API5: variants seen among roughly 807,000 people sequenced by gnomAD.
The protein encoded by API5 is FIF.
In API5, 6 loss-of-function variants were observed where a neutral mutation model predicts 71.9. The ratio of observed to expected loss-of-function variants is 0.08; its 90% CI spans 0.05 to 0.16. The LOEUF is 0.16. API5 is among the 10% of genes least tolerant of loss of function. The pLI, the probability that API5 is intolerant of heterozygous loss-of-function variation, is 1.00. For synonymous variants in API5, 189 were observed against 221.3 expected, an observed-to-expected ratio of 0.85 and a Z score of 1.30; for missense variants, 332 against 612.8, an observed-to-expected ratio of 0.54 and a Z score of 4.84.
intron 7 of API5, 67 bp from the exon 8 acceptor site, chr11:43,327,722 A>T: frequency 9.0e-7 from 1 of 1,112,322 alleles, no homozygotes; most frequent in Non-Finnish European, 1.3e-6. Context: ...ATCGTTATCT[A>T]GAATTACTCT....
chr11:43,330,612 T>C (rs943277835), intron 11 of API5, 48 bp downstream of exon 11: 13 of 1,388,858 alleles, frequency 9.4e-6, no homozygotes, highest in Non-Finnish European at 1.1e-5. Flanking sequence ...CATAAAATCA[T>C]ACATTTATTT....
At chr11:43,329,684 G>C (rs1487665709) in intron 9 of API5, among the ~76,000 whole-genome samples, 1 of 152,168 alleles carries the variant, frequency 6.6e-6, no homozygotes. Flanking sequence ...TTTTCACAAA[G>C]ACACTGCTTA....
rs753421340 is a variant in API5 at position 43,312,097 on chromosome 11, G to A, written c.-31G>A. The stretch of plus-strand genomic sequence containing the variant: ...GGTGGCGCCGGTCAGGACAAGGATA[G>A]CGGAACCGGGCCCTGGGCTTGTCGC... On this transcript the variant is annotated 5_prime_UTR_variant, in exon 1 of 14. Transcript: ENST00000531273. 4.2e-5 allele frequency: 68 copies of A among 1,612,424 alleles called. No individual in the cohort carries two copies. Among genetic ancestry groups the A allele is most frequent in the Non-Finnish European group, 4.7e-5 (56 of 1,179,496 alleles).
In API5 at chr11:43,330,074, C is replaced by T. The variant is rs763210680; in HGVS notation, c.1221+16C>T. ...AACAGAAGAGGTAAGAATACTGGCT[C>T]ACATTTCATAAACTGCTAGTTCCAT... is the stretch of plus-strand genomic sequence containing the variant. On this transcript the variant is annotated intron_variant, in intron 10 of 13. Transcript: ENST00000531273. 6.9e-6 allele frequency: 11 copies of T among 1,599,294 alleles called. No individual in the cohort carries two copies. In the East Asian group the frequency reaches 1.8e-4, roughly 26 times the overall value.
intron 5 of API5, among the ~76,000 whole-genome samples, chr11:43,323,124 C>T (rs768437769): frequency 5.3e-5 from 8 of 151,354 alleles, no homozygotes; most frequent in Non-Finnish European, 1.2e-4. Flanking sequence ...TTCTTAACTG[C>T]TCTCCCATGA....
chr11:43,338,320 A>G (rs1855500775), intron 13 of API5, among the ~76,000 whole-genome samples: 2 of 152,174 alleles, frequency 1.3e-5, no homozygotes, highest in African/African-American at 4.8e-5. Context: ...CAAACATGGT[A>G]TTGGTTCTCA....
At position 43,343,163 on chromosome 11, in the gene API5, A is replaced by G. The variant is rs1170194641; in HGVS notation, c.*653A>G. 1 of 155,654 alleles carries G rather than the reference A, an allele frequency of 6.4e-6. No individual in the cohort carries two copies. The highest frequency in any genetic ancestry group is 1.4e-5 in the Non-Finnish European group (1 of 70,218). The allele number at this position is 155,654 out of a possible 1,614,324, so 9.6% of individuals were successfully genotyped here. A position where few individuals can be genotyped will look rare whatever the true frequency, so the allele number is the denominator to read the frequency against. On this transcript the variant is annotated 3_prime_UTR_variant, in exon 14 of 14. Coordinates refer to ENST00000531273, the MANE Select transcript of API5 (RefSeq NM_001142930.2). ...TCTTACTATTTGAATAGAAATGTGTATGTATAATATACATACATACATAAG... is the reference window on the plus strand; with the variant it reads ...TCTTACTATTTGAATAGAAATGTGTGTGTATAATATACATACATACATAAG...
chr11:43,337,885 A>G (rs914048217), intron 13 of API5, among the ~76,000 whole-genome samples: 24 of 152,232 alleles, frequency 1.6e-4, no homozygotes, highest in African/African-American at 4.8e-4. Context: ...TGCCTGCTCA[A>G]TAGTGAGAAT....
rs771394744 is a variant in API5, at chr11:43,312,112, G to C, written c.-16G>C. On this transcript the variant is annotated 5_prime_UTR_variant, in exon 1 of 14. Transcript: ENST00000531273. ...GACAAGGATAGCGGAACCGGGCCCT[G>C]GGCTTGTCGCTCACCATGCCGACAG... 11 of 1,613,408 alleles carry C rather than the reference G, an allele frequency of 6.8e-6. No individual in the cohort carries two copies. The highest frequency in any genetic ancestry group is 6.7e-5 in the East Asian group (3 of 44,868).
intron 11 of API5, 117 bp from the exon 12 acceptor site, chr11:43,335,161 A>G: frequency 1.4e-6 from 1 of 726,712 alleles, no homozygotes; most frequent in South Asian, 1.6e-5. Context: ...TTTCTGTTGC[A>G]GTAAGCTCTG....
intron 2 of API5, among the ~76,000 whole-genome samples, chr11:43,319,502 C>G (rs1464387225): frequency 2.0e-5 from 3 of 152,192 alleles, no homozygotes; most frequent in South Asian, 2.1e-4. Context: ...ACATCCATAG[C>G]TCACTGCAGC....
chr11:43,325,704 A>G (rs1855047833), intron 6 of API5, among the ~76,000 whole-genome samples: 1 of 152,188 alleles, frequency 6.6e-6, no homozygotes, highest in South Asian at 2.1e-4. Flanking sequence ...AAGAATGGGA[A>G]CAGGAGGTGA....
At chr11:43,334,478 A>G (rs1253559000) in intron 11 of API5, among the ~76,000 whole-genome samples, 1 of 152,158 alleles carries the variant, frequency 6.6e-6, no homozygotes, top group Non-Finnish European at 1.5e-5. Context: ...ACTTAAGTTT[A>G]TATACCAGGG....
At position 43,320,832 on chromosome 11, in the gene API5, A is replaced by G. The variant is rs943802558; in HGVS notation, c.243A>G (p.Gln81=). The G allele has an allele frequency of 3.7e-6, 6 of 1,611,990 alleles. No individual in the cohort carries two copies. Among genetic ancestry groups the G allele is most frequent in the Middle Eastern group, 2.3e-4 (1 of 4,442 alleles). Residue 81 remains glutamine (Q), a synonymous_variant, in exon 3 of 14, where the codon CAA becomes CAG. Coordinates refer to ENST00000531273, the MANE Select transcript of API5 (RefSeq NM_001142930.2). The part of the protein sequence containing the change: ...CEDEDVSIRR[Q]AIKELPQFAT... ...GAAATCATGCCCAGATTCGACGTCAAGCAATTAAAGAACTGCCTCAATTTG... is the reference window on the plus strand; with the variant it reads ...GAAATCATGCCCAGATTCGACGTCAGGCAATTAAAGAACTGCCTCAATTTG...
Position 43,318,741 on chromosome 11 carries a change from A to G in API5, c.171A>G (p.Pro57=), listed in dbSNP as rs1854764130. The G allele has an allele frequency of 1.2e-6, 2 of 1,613,842 alleles. No homozygotes were observed. Among genetic ancestry groups the G allele is most frequent in the East Asian group, 2.2e-5 (1 of 44,886 alleles). The change falls in exon 2 of 14, where the codon CCA becomes CCG. Residue 57 remains proline, a synonymous_variant. Coordinates refer to ENST00000531273, the MANE Select transcript of API5 (RefSeq NM_001142930.2). ...QFIPKFFKHF[P]ELADSAINAQ... is the part of the protein sequence containing the mutation. ...TTCCGAAATTCTTTAAGCATTTTCC[A>G]GAATTGGCTGATTCTGCTATCAATG...
chr11:43,337,057 C>T lies in API5; in HGVS notation c.1492+1063C>T, dbSNP rs147881776. Among the ~76,000 whole-genome samples the T allele has an allele frequency of 7.9e-4, 119 of 150,408 alleles. 3 individuals are homozygous for T. The East Asian group carries it at 0.022, about 27-fold the overall frequency. On this transcript the variant is annotated intron_variant, in intron 13 of 13. Transcript: ENST00000531273. Reference sequence around the variant, plus strand: ...GACAAAGTTTAGGCAGGCATGGTAGCTCACACATGTAAACCCAACACTTTC... The same window carrying T: ...GACAAAGTTTAGGCAGGCATGGTAGTTCACACATGTAAACCCAACACTTTC...
intron 6 of API5, 23 bp downstream of exon 6, chr11:43,323,659 C>T (rs753860341): frequency 1.9e-6 from 3 of 1,597,538 alleles, no homozygotes; most frequent in South Asian, 1.1e-5. Context: ...TTTTTACACA[C>T]CCGGTATTAG....
intron 11 of API5, among the ~76,000 whole-genome samples, chr11:43,331,676 A>G (rs958372099): frequency 1.8e-4 from 27 of 152,190 alleles, no homozygotes; most frequent in Non-Finnish European, 2.9e-5. Context: ...GAATCTGCGT[A>G]TAAGTGAGAC....
intron 8 of API5, 88 bp from the exon 9 acceptor site, chr11:43,328,624 A>T: frequency 1.6e-6 from 2 of 1,234,378 alleles, no homozygotes; most frequent in East Asian, 2.5e-5. Flanking sequence ...TCCATGCCTT[A>T]AAAACATGCA....
Sources: allele counts gnomAD v4.1 joint callset (sites outside exome capture counted in the v4.1 genomes callset), GRCh38; gene constraint gnomAD v4.1.1; transcripts MANE v1.5; gene names NCBI Gene and HGNC (gene_info 2026-07-23, HGNC 2026-07-21).